C2CD5: variants seen among roughly 807,000 people sequenced by gnomAD.
C2CD5 encodes the protein C2 domain-containing protein 5.
In C2CD5, 109 loss-of-function variants were observed where a neutral mutation model predicts 130.3. The observed-to-expected ratio is 0.84, with a 90% CI of 0.72 to 0.98. The LOEUF (loss-of-function observed/expected upper bound fraction) is 0.98. Ranked by LOEUF, C2CD5 falls within the 50% of genes least tolerant of loss-of-function variation. The pLI is 0.00. For synonymous variants in C2CD5, 454 were observed against 429.2 expected, an observed-to-expected ratio of 1.06 and a Z score of -0.71; for missense variants, 996 against 1,261.8, an observed-to-expected ratio of 0.79 and a Z score of 3.19.
At chr12:22,539,289 C>T (rs562763021) in intron 2 of C2CD5, among the ~76,000 whole-genome samples, 1 of 152,266 alleles carries the variant, frequency 6.6e-6, no homozygotes, top group Non-Finnish European at 1.5e-5. Context: ...CTTCCTTCCT[C>T]TTTCTAGAAA....
At chr12:22,490,353 C>A in intron 11 of C2CD5, 135 bp from the exon 12 acceptor site, 1 of 502,648 alleles carries the variant, frequency 2.0e-6, no homozygotes, top group South Asian at 4.3e-5. Context: ...ATAATATTTA[C>A]GAGGTTTACC....
At chr12:22,500,264 A>C (rs1947591841) in intron 10 of C2CD5, among the ~76,000 whole-genome samples, 1 of 152,024 alleles carries the variant, frequency 6.6e-6, no homozygotes, top group South Asian at 2.1e-4. Flanking sequence ...AAAAAAAAAA[A>C]GCTAAACTAA....
chr12:22,506,687 CATTG>C lies in C2CD5; in HGVS notation c.1147+20_1147+23del, dbSNP rs1210556333. ...ATAACCACAATTTAAATAAAGGAAA[CATTG>C]AAACTTTTTAAGAACATACCAGGAT... On this transcript the variant is annotated intron_variant, in intron 10 of 26. Transcript: ENST00000446597. 2 of 1,258,646 alleles carry C rather than the reference CATTG, an allele frequency of 1.6e-6. No homozygotes were observed. Among genetic ancestry groups the C allele is most frequent in the South Asian group, 2.6e-5 (2 of 78,076 alleles). 78.0% of individuals were successfully genotyped at this position (1,258,646 alleles called of 1,614,324 possible).
chr12:22,505,467 G>A (rs929506167), intron 10 of C2CD5, among the ~76,000 whole-genome samples: 3 of 151,828 alleles, frequency 2.0e-5, no homozygotes, highest in East Asian at 1.9e-4. Context: ...CACTGTGTCC[G>A]GCCACCCTTC....
At chr12:22,457,558 C>T (rs182458358) in intron 24 of C2CD5, among the ~76,000 whole-genome samples, 23 of 152,102 alleles carry the variant, frequency 1.5e-4, no homozygotes, top group Admixed American at 1.3e-3. Flanking sequence ...CTTTTTCAGA[C>T]GACTTCATCA....
At position 22,507,564 on chromosome 12, in the gene C2CD5, A is replaced by G. The variant is rs557908029; in HGVS notation, c.1039-745T>C. Among the ~76,000 whole-genome samples, 18 of 152,360 alleles carry G rather than the reference A, an allele frequency of 1.2e-4. No homozygotes were observed. The South Asian group carries it at 3.7e-3, about 32-fold the overall frequency. Reference sequence around the variant, plus strand: ...CAACTTAGAGACAAAGAGAAACACAAAAAAGACAAATGAAAAAGCCAAGAA... The same window carrying G: ...CAACTTAGAGACAAAGAGAAACACAGAAAAGACAAATGAAAAAGCCAAGAA... On this transcript the variant is annotated intron_variant, in intron 9 of 26. Coordinates refer to ENST00000446597, the MANE Select transcript of C2CD5 (RefSeq NM_001286176.2).
chr12:22,469,854 T>C (rs1942735664), intron 21 of C2CD5, 59 bp from the exon 22 acceptor site: 1 of 1,051,728 alleles, frequency 9.5e-7, no homozygotes, highest in South Asian at 1.7e-5. Flanking sequence ...TTTTTTAAAA[T>C]TAAGAATCTG....
At chr12:22,512,671 C>T (rs777152266) in intron 9 of C2CD5, 12 of 1,491,570 alleles carry the variant, frequency 8.0e-6, no homozygotes, top group South Asian at 2.6e-5. Context: ...ACCTATGAGG[C>T]GATCCTCCCT....
chr12:22,471,305 T>C, intron 20 of C2CD5, 94 bp downstream of exon 20: 1 of 723,182 alleles, frequency 1.4e-6, no homozygotes, highest in Non-Finnish European at 2.4e-6. Context: ...AACTAGTATA[T>C]GTTTATTTAA....
chr12:22,475,712 A>C (rs545687443), intron 15 of C2CD5, among the ~76,000 whole-genome samples: 1 of 152,334 alleles, frequency 6.6e-6, no homozygotes, highest in East Asian at 1.9e-4. Flanking sequence ...TAGATAAAAG[A>C]CTACCACTGC....
At chr12:22,511,112 A>G (rs193215787) in intron 9 of C2CD5, among the ~76,000 whole-genome samples, 4 of 152,086 alleles carry the variant, frequency 2.6e-5, no homozygotes, top group Admixed American at 2.6e-4. Flanking sequence ...TTCAATTTTG[A>G]CAACTACTAC....
intron 12 of C2CD5, among the ~76,000 whole-genome samples, chr12:22,488,748 C>T (rs1945935297): frequency 6.6e-6 from 1 of 152,032 alleles, no homozygotes. Flanking sequence ...TCATAATAGT[C>T]AATATCCATT....
At chr12:22,485,903 C>T (rs1009501881) in intron 12 of C2CD5, among the ~76,000 whole-genome samples, 4 of 128,154 alleles carry the variant, frequency 3.1e-5, no homozygotes, top group South Asian at 2.7e-4. Flanking sequence ...TACTCTCCTA[C>T]ATTCTCCAAA....
chr12:22,495,451 T>G (rs913852529), intron 10 of C2CD5, among the ~76,000 whole-genome samples: 1 of 151,770 alleles, frequency 6.6e-6, no homozygotes, highest in Non-Finnish European at 1.5e-5. Context: ...AGATACCACA[T>G]AGAATACAAA....
rs145305676 is a variant in C2CD5, at chr12:22,538,608, T to C, written c.91-3264A>G. ...CTGTATTGACCTCTCCTCCTAATTT[T>C]TGGACTACTCAGTAATCTGTATCCC... On this transcript the variant is annotated intron_variant, in intron 2 of 26. Transcript: ENST00000446597. Among the ~76,000 whole-genome samples, 11 of 152,348 alleles carry C rather than the reference T, an allele frequency of 7.2e-5. No homozygotes were observed. In the East Asian group the frequency reaches 1.9e-3, roughly 27 times the overall value.
intron 22 of C2CD5, among the ~76,000 whole-genome samples, chr12:22,465,496 G>A (rs1041889158): frequency 2.6e-5 from 4 of 152,012 alleles, no homozygotes; most frequent in Non-Finnish European, 5.9e-5. Flanking sequence ...AGCTCAAGAT[G>A]TAAGCCTTTA....
intron 8 of C2CD5, chr12:22,514,856 C>T: frequency 3.1e-6 from 1 of 321,638 alleles, no homozygotes. Context: ...ACTCTGACTA[C>T]CAGTAAGAAA....
At chr12:22,538,907 T>C (rs1166669837) in intron 2 of C2CD5, among the ~76,000 whole-genome samples, 7 of 152,206 alleles carry the variant, frequency 4.6e-5, no homozygotes, top group Non-Finnish European at 4.4e-5. Context: ...CTTAAGTCTG[T>C]ATCAAGCATT....
chr12:22,492,200 T>C (rs769817429), intron 11 of C2CD5, among the ~76,000 whole-genome samples: 8 of 152,016 alleles, frequency 5.3e-5, no homozygotes, highest in Non-Finnish European at 8.8e-5. Flanking sequence ...TACCTAAGAA[T>C]AGATGGTAGA....
Sources: gnomAD v4.1 joint callset for allele counts (sites outside exome capture counted in the v4.1 genomes callset) on GRCh38, gnomAD v4.1.1 for gene constraint, MANE v1.5 for transcripts, NCBI Gene and HGNC (gene_info 2026-07-23, HGNC 2026-07-21) for gene names.